Variants in TMEM132B observed in about 807,000 individuals in gnomAD.
TMEM132B encodes the protein transmembrane protein 132B.
TMEM132B carries 18 observed loss-of-function variants against 90.8 expected under a neutral mutation model. That is an observed-to-expected ratio of 0.20 (90% CI 0.14 to 0.29). The LOEUF is 0.29. Among genes scored for constraint, TMEM132B ranks in the 10% least tolerant of loss-of-function variants. TMEM132B has a pLI of 1.00. For synonymous variants in TMEM132B, 504 were observed against 523.3 expected, an observed-to-expected ratio of 0.96 and a Z score of 0.50; for missense variants, 1,096 against 1,326.8, an observed-to-expected ratio of 0.83 and a Z score of 2.70.
rs1432120241 is a variant in TMEM132B, at chr12:125,406,760, T to C, written c.960-8771T>C. 2.0e-5 allele frequency among the ~76,000 whole-genome samples: 3 copies of C among 152,178 alleles called. No individual in the cohort carries two copies. The highest frequency in any genetic ancestry group is 7.2e-5 in the African/African-American group (3 of 41,434). Reference sequence around the variant, plus strand: ...GACCACCCTCACTTCTGATGCCATCTGCAAGTCTGGAGGGTCCCCAAGACC... The same window carrying C: ...GACCACCCTCACTTCTGATGCCATCCGCAAGTCTGGAGGGTCCCCAAGACC... On this transcript the variant is annotated intron_variant, in intron 2 of 8. Coordinates refer to ENST00000682704, the MANE Select transcript of TMEM132B (RefSeq NM_001366854.1). The surrounding 1 kb of genome is among the most constrained non-coding windows in gnomAD (Gnocchi z 8.3).
chr12:125,357,293 A>G (rs1265889155), intron 2 of TMEM132B, among the ~76,000 whole-genome samples: 1 of 152,178 alleles, frequency 6.6e-6, no homozygotes, highest in African/African-American at 2.4e-5. Flanking sequence ...GTCACCTCTA[A>G]TCAAACAATG....
intron 3 of TMEM132B, among the ~76,000 whole-genome samples, chr12:125,463,825 A>T (rs1352412165): frequency 6.6e-6 from 1 of 152,210 alleles, no homozygotes; most frequent in Non-Finnish European, 1.5e-5. Context: ...ATTTATAAAC[A>T]AAAGAGGTTT....
intron 3 of TMEM132B, among the ~76,000 whole-genome samples, chr12:125,457,733 ATGGTG>A (rs752076258): frequency 6.6e-6 from 1 of 152,120 alleles, no homozygotes; most frequent in Non-Finnish European, 1.5e-5. Context: ...AGAGGAGACA[ATGGTG>A]TGCTTGTCTA....
chr12:125,434,506 G>A (rs1266362532), intron 3 of TMEM132B, among the ~76,000 whole-genome samples: 1 of 124,294 alleles, frequency 8.0e-6, no homozygotes, highest in Non-Finnish European at 1.7e-5. Context: ...GCCATGGTGG[G>A]AGATTAGAGG....
At chr12:125,321,041 C>T (rs557429603) in intron 1 of TMEM132B, among the ~76,000 whole-genome samples, 1 of 152,316 alleles carries the variant, frequency 6.6e-6, no homozygotes, top group African/African-American at 2.4e-5. Flanking sequence ...CCCCAGGCTC[C>T]GCTGAAGGTG....
intron 4 of TMEM132B, among the ~76,000 whole-genome samples, chr12:125,579,854 T>G (rs1292013260): frequency 6.6e-6 from 1 of 152,220 alleles, no homozygotes; most frequent in African/African-American, 2.4e-5. Context: ...CTCATAAGTT[T>G]TTTTTCAAAG....
intron 1 of TMEM132B, among the ~76,000 whole-genome samples, chr12:125,308,101 A>G (rs890526036): frequency 6.8e-6 from 1 of 146,474 alleles, no homozygotes; most frequent in Non-Finnish European, 1.5e-5. Flanking sequence ...CTTACAATAC[A>G]AGTATATTAC....
At chr12:125,584,804 T>C (rs1165095594) in intron 5 of TMEM132B, 1 of 152,256 alleles carries the variant, frequency 6.6e-6, no homozygotes. Flanking sequence ...TTGGTTGCTA[T>C]TGCTTTTGCA....
chr12:125,575,861 A>T (rs1488548928), intron 4 of TMEM132B, among the ~76,000 whole-genome samples: 1 of 152,106 alleles, frequency 6.6e-6, no homozygotes, highest in Non-Finnish European at 1.5e-5. Context: ...GTTGAAAATC[A>T]ATCTGCTGAA....
chr12:125,528,062 T>C (rs1007480637), intron 4 of TMEM132B, among the ~76,000 whole-genome samples: 1 of 152,120 alleles, frequency 6.6e-6, no homozygotes, highest in African/African-American at 2.4e-5. Flanking sequence ...TGGTGCTTTC[T>C]GCATTATCTT....
At chr12:125,575,440 T>C (rs1179432751) in intron 4 of TMEM132B, among the ~76,000 whole-genome samples, 1 of 151,980 alleles carries the variant, frequency 6.6e-6, no homozygotes, top group Non-Finnish European at 1.5e-5. Flanking sequence ...GGTATAATAC[T>C]TCTGCATATA....
chr12:125,533,261 A>G lies in TMEM132B; in HGVS notation c.1293+13636A>G, dbSNP rs552937739. 2.0e-5 allele frequency among the ~76,000 whole-genome samples: 3 copies of G among 152,362 alleles called. No individual in the cohort carries two copies. The South Asian group carries it at 6.2e-4, about 32-fold the overall frequency. ...ACACTGCTTGTCACATAATACATGT[A>G]TGATAAATGTTAAGAGTTTGTTTCT... On this transcript the variant is annotated intron_variant, in intron 4 of 8. Transcript: ENST00000682704.
intron 2 of TMEM132B, among the ~76,000 whole-genome samples, chr12:125,375,480 A>C (rs1878447602): frequency 6.6e-6 from 1 of 152,252 alleles, no homozygotes; most frequent in South Asian, 2.1e-4. Flanking sequence ...CATGGAGTGG[A>C]GGAACACCCA....
At chr12:125,192,841 T>C (rs974549878) in intron 1 of TMEM132B, among the ~76,000 whole-genome samples, 1 of 152,204 alleles carries the variant, frequency 6.6e-6, no homozygotes, top group African/African-American at 2.4e-5. Context: ...CTTTGCTCAA[T>C]AAATTGGGAG....
At chr12:125,374,685 T>C (rs531257399) in intron 2 of TMEM132B, among the ~76,000 whole-genome samples, 1 of 151,216 alleles carries the variant, frequency 6.6e-6, no homozygotes, top group African/African-American at 2.4e-5. Flanking sequence ...CCTAAACTTA[T>C]TTCTGCTTGG....
At chr12:125,260,922 T>TTGTGTGTGTGTGTG (rs60739492) in intron 1 of TMEM132B, among the ~76,000 whole-genome samples, 124 of 148,252 alleles carry the variant, frequency 8.4e-4, no homozygotes, top group African/African-American at 3.0e-3. Context: ...TCTCTACAGA[T>TTGTGTGTGTGTGTG]TGTGTGTGTG....
intron 3 of TMEM132B, among the ~76,000 whole-genome samples, chr12:125,433,408 A>G (rs1732380838): frequency 6.6e-6 from 1 of 151,826 alleles, no homozygotes; most frequent in Admixed American, 6.6e-5. Flanking sequence ...CCTCTTTCAA[A>G]CACTCTCCGG....
intron 1 of TMEM132B, among the ~76,000 whole-genome samples, chr12:125,211,282 T>A (rs1873312575): frequency 6.6e-6 from 1 of 152,194 alleles, no homozygotes; most frequent in Non-Finnish European, 1.5e-5. Flanking sequence ...TTTGAGATAT[T>A]TGTTTCCCAT....
chr12:125,312,403 C>T (rs1876144989), intron 1 of TMEM132B, among the ~76,000 whole-genome samples: 1 of 152,244 alleles, frequency 6.6e-6, no homozygotes, highest in Non-Finnish European at 1.5e-5. Context: ...ATGTCTTGCT[C>T]TGGACATGGG....
Sources: gnomAD v4.1 joint callset for allele counts (sites outside exome capture counted in the v4.1 genomes callset) on GRCh38, gnomAD v4.1.1 for gene constraint, Gnocchi (gnomAD v3.1) non-coding constraint, MANE v1.5 for transcripts, NCBI Gene and HGNC (gene_info 2026-07-23, HGNC 2026-07-21) for gene names.